The following GPC3 variants were observed in gnomAD, a reference collection of about 807,000 sequenced individuals.
GPC3 encodes glypican 3.
Under a neutral mutation model 34.4 loss-of-function variants are expected in GPC3, and 3 were observed. The ratio of observed to expected loss-of-function variants is 0.09; its 90% confidence interval spans 0.04 to 0.23. The LOEUF is 0.23. Ranked by LOEUF, GPC3 falls within the 10% of genes least tolerant of loss-of-function variation. The pLI, the probability that GPC3 is intolerant of heterozygous loss-of-function variation, is 1.00. For synonymous variants in GPC3, 177 were observed against 174.0 expected, an observed-to-expected ratio of 1.02 and a Z score of -0.13; for missense variants, 351 against 445.6, an observed-to-expected ratio of 0.79 and a Z score of 1.91.
At chrX:133,836,565 A>AT (rs894576470) in intron 2 of GPC3, among the ~76,000 whole-genome samples, 2 of 111,439 alleles carry the variant, frequency 1.8e-5, no homozygotes, top group Non-Finnish European at 3.8e-5. Context: ...CAAGTTAGTT[A>AT]TTTTTTTTAA....
intron 6 of GPC3, among the ~76,000 whole-genome samples, chrX:133,599,444 G>A (rs1437026196): frequency 9.0e-6 from 1 of 111,710 alleles, no homozygotes; most frequent in Admixed American, 9.5e-5. Context: ...CTGTGGCATC[G>A]AAGAGTTGTA....
intron 2 of GPC3, among the ~76,000 whole-genome samples, chrX:133,833,816 A>T (rs2075787768): frequency 8.9e-6 from 1 of 112,189 alleles, no homozygotes; most frequent in Admixed American, 9.5e-5. Context: ...AGAGAAGCAA[A>T]ATGCAAAGAA....
intron 6 of GPC3, among the ~76,000 whole-genome samples, chrX:133,640,369 T>C (rs1394664937): frequency 1.8e-5 from 2 of 112,083 alleles, no homozygotes; most frequent in African/African-American, 6.5e-5. Flanking sequence ...AGGGAGGCTT[T>C]TCCCCCTCCC....
At chrX:133,962,089 C>T (rs1437759209) in intron 1 of GPC3, among the ~76,000 whole-genome samples, 1 of 111,831 alleles carries the variant, frequency 8.9e-6, no homozygotes, top group Non-Finnish European at 1.9e-5. Context: ...TGGAGAGTGG[C>T]AGAAGCCAGA....
chrX:133,876,894 T>G (rs1478044858), intron 2 of GPC3, among the ~76,000 whole-genome samples: 1 of 111,402 alleles, frequency 9.0e-6, no homozygotes, highest in Non-Finnish European at 1.9e-5. Context: ...AAAATGAGAG[T>G]CAACAAAAGT....
At chrX:133,960,747 T>A (rs2076438233) in intron 1 of GPC3, among the ~76,000 whole-genome samples, 1 of 111,284 alleles carries the variant, frequency 9.0e-6, no homozygotes, top group African/African-American at 3.3e-5. Flanking sequence ...AATAATGCAT[T>A]ATCATTAAAT....
intron 6 of GPC3, among the ~76,000 whole-genome samples, chrX:133,648,812 ATCCT>A: frequency 8.9e-6 from 1 of 112,328 alleles, no homozygotes; most frequent in South Asian, 3.7e-4. Flanking sequence ...TGCCAGGAAG[ATCCT>A]TCCTTCCAAT....
chrX:133,634,570 A>G (rs1217225073), intron 6 of GPC3, among the ~76,000 whole-genome samples: 1 of 112,534 alleles, frequency 8.9e-6, no homozygotes, highest in African/African-American at 3.2e-5. Flanking sequence ...AAATGAAAGA[A>G]GCCTGACACA....
intron 2 of GPC3, among the ~76,000 whole-genome samples, chrX:133,831,093 G>A (rs2075773341): frequency 8.9e-6 from 1 of 111,939 alleles, no homozygotes; most frequent in Non-Finnish European, 1.9e-5. Flanking sequence ...GTGGTTACTA[G>A]GGATTAGGTT....
chrX:133,615,395 A>C (rs1035349712), intron 6 of GPC3, among the ~76,000 whole-genome samples: 1 of 111,826 alleles, frequency 8.9e-6, no homozygotes, highest in Admixed American at 9.5e-5. Flanking sequence ...GAGTATATGA[A>C]AATCAATCAA....
intron 1 of GPC3, among the ~76,000 whole-genome samples, chrX:133,972,555 T>C (rs1362594739): frequency 8.9e-6 from 1 of 112,514 alleles, no homozygotes; most frequent in African/African-American, 3.2e-5. Flanking sequence ...TTACAAATTA[T>C]TAGCCACTGA....
intron 3 of GPC3, among the ~76,000 whole-genome samples, chrX:133,745,474 T>TA (rs1409633286): frequency 2.7e-5 from 3 of 112,709 alleles, no homozygotes; most frequent in African/African-American, 9.7e-5. Context: ...AATGACAGCT[T>TA]AGAGACTGAA....
chrX:133,795,997 G>C (rs1217959156), intron 2 of GPC3, among the ~76,000 whole-genome samples: 2 of 97,381 alleles, frequency 2.1e-5, no homozygotes, highest in Admixed American at 1.2e-4. Context: ...CCAGGCTGGA[G>C]TGCAGTGGCG....
chrX:133,873,387 A>AAT lies in GPC3; in HGVS notation c.337+79661_337+79662dup, dbSNP rs1719221146. On this transcript the variant is annotated intron_variant, in intron 2 of 7. Transcript: ENST00000370818. ...AAATGCAGAGTACTATGCCAGTCCC[A>AAT]ATATATATATTCCACATCCCCCAAG... Among the ~76,000 whole-genome samples the AAT allele has an allele frequency of 9.8e-5, 11 of 112,212 alleles. No individual in the cohort carries two copies. The South Asian group carries it at 3.7e-3, about 38-fold the overall frequency.
At chrX:133,807,898 T>C (rs1306322544) in intron 2 of GPC3, among the ~76,000 whole-genome samples, 2 of 112,033 alleles carry the variant, frequency 1.8e-5, no homozygotes, top group African/African-American at 6.5e-5. Context: ...ACCTACCAAA[T>C]CAGAAAATAT....
At chrX:133,601,070 C>T (rs1569393813) in intron 6 of GPC3, among the ~76,000 whole-genome samples, 1 of 111,712 alleles carries the variant, frequency 9.0e-6, no homozygotes, top group East Asian at 2.8e-4. Context: ...CAGAGGATAC[C>T]TTAGTGGAAG....
chrX:133,983,495 C>T (rs2076550256), intron 1 of GPC3, among the ~76,000 whole-genome samples: 1 of 111,523 alleles, frequency 9.0e-6, no homozygotes, highest in Non-Finnish European at 1.9e-5. Context: ...CAAGGGAGGG[C>T]GAGTGCCTGC....
intron 4 of GPC3, among the ~76,000 whole-genome samples, chrX:133,693,200 T>TGA (rs1242661753): frequency 3.3e-5 from 3 of 91,929 alleles, no homozygotes; most frequent in Non-Finnish European, 6.3e-5. Context: ...TGTGTGTGTG[T>TGA]GAGACAGAGA....
chrX:133,668,504 C>T (rs1204968140), intron 5 of GPC3, among the ~76,000 whole-genome samples: 1 of 110,239 alleles, frequency 9.1e-6, no homozygotes, highest in Non-Finnish European at 1.9e-5. Flanking sequence ...ATTCCATTTG[C>T]CACCCCATGT....
Sources: gnomAD v4.1 joint callset for allele counts (sites outside exome capture counted in the v4.1 genomes callset) on GRCh38, gnomAD v4.1.1 for gene constraint, MANE v1.5 for transcripts, NCBI Gene and HGNC (gene_info 2026-07-23, HGNC 2026-07-21) for gene names.